The following DISC1 variants were observed in gnomAD, a reference collection of about 807,000 sequenced individuals.
DISC1 encodes DISC1 scaffold protein.
DISC1 carries 57 observed loss-of-function variants against 84.5 expected under a neutral mutation model. The observed-to-expected ratio is 0.67, with a 90% confidence interval of 0.55 to 0.84. The LOEUF is 0.84. Among genes scored for constraint, DISC1 ranks in the 40% least tolerant of loss-of-function variants. The pLI is 0.00. For missense variants in DISC1, 1,000 were observed against 1,057.8 expected (o/e 0.95, Z 0.76); for synonymous variants, 411 against 415.2 (o/e 0.99, Z 0.12).
chr1:231,852,640 A>G (rs200003658), intron 9 of DISC1, among the ~76,000 whole-genome samples: 3 of 152,246 alleles, frequency 2.0e-5, no homozygotes, highest in Non-Finnish European at 2.9e-5. Context: ...CAGGCTTCAC[A>G]GTTTCAACCA....
intron 3 of DISC1, among the ~76,000 whole-genome samples, chr1:231,720,021 C>T (rs1251457846): frequency 5.9e-5 from 9 of 152,186 alleles, no homozygotes; most frequent in Non-Finnish European, 2.9e-5. Flanking sequence ...TTGCAATTGA[C>T]AGGCTTGATA....
intron 6 of DISC1, among the ~76,000 whole-genome samples, chr1:231,780,633 C>T: frequency 8.3e-6 from 1 of 120,050 alleles, no homozygotes; most frequent in Non-Finnish European, 1.7e-5. Flanking sequence ...CTGGAAATAC[C>T]ATTTGACCCA....
At chr1:231,812,668 A>G (rs2080419587) in intron 8 of DISC1, among the ~76,000 whole-genome samples, 1 of 152,216 alleles carries the variant, frequency 6.6e-6, no homozygotes, top group Non-Finnish European at 1.5e-5. Flanking sequence ...CATAGGTGGC[A>G]TATTCTTCTC....
In DISC1 at chr1:231,683,546, C is replaced by G. The variant is rs961915754; in HGVS notation, c.68-10280C>G. On this transcript the variant is annotated intron_variant, in intron 1 of 12. Transcript: ENST00000439617. Reference sequence around the variant, plus strand: ...GATCAAGCTATCCTCCTGGGCACATCTAGGATGCATGTAATTTGCCTGTAT... The same window carrying G: ...GATCAAGCTATCCTCCTGGGCACATGTAGGATGCATGTAATTTGCCTGTAT... Among the ~76,000 whole-genome samples, 5 of 149,572 alleles carry G rather than the reference C, an allele frequency of 3.3e-5. No individual in the cohort carries two copies. In the Admixed American group the frequency reaches 3.4e-4, roughly 10 times the overall value.
At chr1:231,952,691 TTATATA>T (rs60722025) in intron 9 of DISC1, among the ~76,000 whole-genome samples, 18,605 of 141,764 alleles carry the variant, frequency 0.13, 1,552 homozygotes, top group East Asian at 0.4. Context: ...ATATATATGT[TTATATA>T]TATATATATA....
At chr1:231,898,366 T>A (rs989624313) in intron 9 of DISC1, among the ~76,000 whole-genome samples, 3 of 152,150 alleles carry the variant, frequency 2.0e-5, no homozygotes, top group African/African-American at 7.2e-5. Context: ...TCCATGCAGC[T>A]GGACAGACTC....
chr1:232,035,230 G>T (rs1364769360), intron 12 of DISC1, among the ~76,000 whole-genome samples: 2 of 152,176 alleles, frequency 1.3e-5, no homozygotes, highest in African/African-American at 4.8e-5. Flanking sequence ...CAGGCAGACT[G>T]CCTGAGGTCA....
At chr1:231,947,245 G>A (rs186862171) in intron 9 of DISC1, among the ~76,000 whole-genome samples, 22 of 152,246 alleles carry the variant, frequency 1.4e-4, no homozygotes, top group Admixed American at 7.8e-4. Context: ...CATGGTACTG[G>A]TACCAAAACA....
intron 8 of DISC1, among the ~76,000 whole-genome samples, chr1:231,814,741 C>A (rs1476960516): frequency 6.6e-6 from 1 of 151,948 alleles, no homozygotes; most frequent in African/African-American, 2.4e-5. Context: ...CTTACAAATC[C>A]ACATCAACAC....
intron 3 of DISC1, among the ~76,000 whole-genome samples, chr1:231,740,453 C>T (rs1017956478): frequency 6.6e-6 from 1 of 152,178 alleles, no homozygotes; most frequent in African/African-American, 2.4e-5. Context: ...ATGCCTCCCC[C>T]ACATGACTCA....
chr1:231,668,184 C>G (rs971016277), intron 1 of DISC1, among the ~76,000 whole-genome samples: 2 of 152,080 alleles, frequency 1.3e-5, no homozygotes, highest in Non-Finnish European at 2.9e-5. Context: ...TCCCTCAACT[C>G]CCAAAGTTTC....
At chr1:231,895,890 A>G (rs185058239) in intron 9 of DISC1, among the ~76,000 whole-genome samples, 22 of 152,222 alleles carry the variant, frequency 1.4e-4, no homozygotes, top group Admixed American at 1.3e-3. Flanking sequence ...ATTTCCTACA[A>G]TGCAGTGATT....
At chr1:231,792,510 T>A (rs982353548) in intron 6 of DISC1, among the ~76,000 whole-genome samples, 1 of 152,228 alleles carries the variant, frequency 6.6e-6, no homozygotes, top group Admixed American at 6.5e-5. Flanking sequence ...TATAATATAC[T>A]ATTAAATGCT....
intron 4 of DISC1, chr1:231,750,324 A>G: frequency 7.6e-7 from 1 of 1,310,848 alleles, no homozygotes; most frequent in Non-Finnish European, 9.7e-7. Flanking sequence ...GTGCAGCTGC[A>G]TCCCAGGTCT....
In DISC1 at chr1:231,986,063, C is replaced by G. The variant is rs1188657747; in HGVS notation, c.2043-22722C>G. ...GATGCTCTTCAGCCTGTGTCCTGAT[C>G]TGTAAAGTTGAGATCATAATAGTAA... On this transcript the variant is annotated intron_variant, in intron 10 of 12. Coordinates refer to ENST00000439617, the MANE Select transcript of DISC1 (RefSeq NM_018662.3). Among the ~76,000 whole-genome samples, 5 of 152,194 alleles carry G rather than the reference C, an allele frequency of 3.3e-5. No individual in the cohort carries two copies. The South Asian group carries it at 1.0e-3, about 32-fold the overall frequency.
At chr1:231,796,724 A>G (rs758225157) in intron 7 of DISC1, among the ~76,000 whole-genome samples, 1 of 152,068 alleles carries the variant, frequency 6.6e-6, no homozygotes, top group African/African-American at 2.4e-5. Flanking sequence ...GAAATGCTTG[A>G]CTTCTGCTCT....
In DISC1 at chr1:231,630,580, C is replaced by T. The variant is rs1290677157; in HGVS notation, c.67+3646C>T. 1.3e-5 allele frequency among the ~76,000 whole-genome samples: 2 copies of T among 152,022 alleles called. No individual in the cohort carries two copies. Among genetic ancestry groups the T allele is most frequent in the Admixed American group, 1.3e-4 (2 of 15,254 alleles). On this transcript the variant is annotated intron_variant, in intron 1 of 12. Coordinates refer to ENST00000439617, the MANE Select transcript of DISC1 (RefSeq NM_018662.3). The surrounding 1 kb of genome is among the most constrained non-coding windows in gnomAD (Gnocchi z 4.4). Reference sequence around the variant, plus strand: ...AGCCACCCTGGGTTGAGGAGGGTCCCCTCCTGGCACAGCTGGAACCACCGG... The same window carrying T: ...AGCCACCCTGGGTTGAGGAGGGTCCTCTCCTGGCACAGCTGGAACCACCGG...
chr1:231,754,067 G>A (rs1412759353), intron 4 of DISC1, among the ~76,000 whole-genome samples: 2 of 152,138 alleles, frequency 1.3e-5, no homozygotes, highest in African/African-American at 4.8e-5. Context: ...CATTCAATCA[G>A]TTTCTAGGCA....
chr1:231,751,660 A>G (rs1290900862), intron 4 of DISC1, among the ~76,000 whole-genome samples: 1 of 152,172 alleles, frequency 6.6e-6, no homozygotes, highest in Non-Finnish European at 1.5e-5. Flanking sequence ...TGACAACCAC[A>G]TTCTAATTTC....
Sources: allele counts gnomAD v4.1 joint callset (sites outside exome capture counted in the v4.1 genomes callset), GRCh38; gene constraint gnomAD v4.1.1; non-coding constraint Gnocchi (gnomAD v3.1); transcripts MANE v1.5; gene names NCBI Gene and HGNC (gene_info 2026-07-23, HGNC 2026-07-21).